The following SACS variants were observed in gnomAD, a reference collection of about 807,000 sequenced individuals.
The protein encoded by SACS is sacsin molecular chaperone, also known as sacsin.
SACS carries 197 observed loss-of-function variants against 348.0 expected under a neutral mutation model. The observed-to-expected ratio is 0.57, with a 90% CI of 0.50 to 0.64. The LOEUF is 0.64. Among genes scored for constraint, SACS ranks in the 30% least tolerant of loss-of-function variants. The probability of loss-of-function intolerance (pLI) is 0.00; values close to 1 mark genes in which losing one functional copy is unlikely to be tolerated. For missense variants in SACS, 4,999 were observed against 5,360.8 expected (o/e 0.93, Z 2.11); for synonymous variants, 1,985 against 1,910.6 (o/e 1.04, Z -1.02).
In SACS at chr13:23,339,778, C is replaced by A. The variant is rs200381539; in HGVS notation, c.4098G>T (p.Leu1366=). The change falls in exon 10 of 10, where the codon CTG becomes CTT. Residue 1366 remains leucine, a synonymous_variant. Transcript: ENST00000382292. ...GGCTTGCTGGAATCTGATTGCTATA[C>A]AGCCATCTGATAATATTCAACATAA... ...LHLMLNIIRW[L]YSNQIPASPN... 8 of 1,613,780 alleles carry A rather than the reference C, an allele frequency of 5.0e-6. No individual in the cohort carries two copies. Among genetic ancestry groups the A allele is most frequent in the African/African-American group, 1.3e-5 (1 of 74,916 alleles).
chr13:23,415,204 G>C (rs1873650533), intron 1 of SACS, among the ~76,000 whole-genome samples: 1 of 151,888 alleles, frequency 6.6e-6, no homozygotes, highest in Non-Finnish European at 1.5e-5. Flanking sequence ...GCTAATTTTT[G>C]TATTTTTAGT....
intron 2 of SACS, among the ~76,000 whole-genome samples, chr13:23,390,332 G>A (rs937463116): frequency 6.6e-6 from 1 of 151,956 alleles, no homozygotes; most frequent in Non-Finnish European, 1.5e-5. Flanking sequence ...TTCTACATGG[G>A]ATTCCACCCC....
rs552212429 is a variant in SACS at position 23,383,177 on chromosome 13, G to A, written c.21-7908C>T. The stretch of plus-strand genomic sequence containing the variant: ...AAAATTAATATTGCAAGTAATAAAC[G>A]GTGGTCATTCTCAGAAAACCCTCCA... On this transcript the variant is annotated intron_variant, in intron 2 of 9. Coordinates refer to ENST00000382292, the MANE Select transcript of SACS (RefSeq NM_014363.6). Among the ~76,000 whole-genome samples the A allele has an allele frequency of 6.6e-4, 100 of 151,890 alleles. 1 individual carries two copies. In the South Asian group the frequency reaches 0.013, roughly 19 times the overall value.
rs746064318 is a variant in SACS, at chr13:23,335,903, G to GC, written c.7972dup (p.Ala2658GlyfsTer5). 6.2e-7 allele frequency: 1 copy of GC among 1,613,056 alleles called. No individual in the cohort carries two copies. The highest frequency in any genetic ancestry group is 8.5e-7 in the Non-Finnish European group (1 of 1,179,184). On this transcript the variant is annotated frameshift_variant, in exon 10 of 10. Transcript: ENST00000382292. LOFTEE classifies it high-confidence loss of function. The surrounding 1 kb of genome is among the most constrained non-coding windows in gnomAD (Gnocchi z 4.7). ...CATGCGTCCGGGACTAATGGATGTGGCCCCTGGTGCATATCTGGCATGAGG... is the reference window on the plus strand; with the variant it reads ...CATGCGTCCGGGACTAATGGATGTGGCCCCCTGGTGCATATCTGGCATGAGG...
intron 2 of SACS, among the ~76,000 whole-genome samples, chr13:23,377,700 C>T (rs1203268862): frequency 6.6e-6 from 1 of 152,148 alleles, no homozygotes; most frequent in African/African-American, 2.4e-5. Context: ...GATTCAACCT[C>T]AGCCCCAGCA....
chr13:23,429,345 ATTTTTTTTTTTTTTTTTT>A (rs536939164), intron 1 of SACS, among the ~76,000 whole-genome samples: 54 of 51,474 alleles, frequency 1.0e-3, no homozygotes, highest in South Asian at 2.2e-3. Context: ...TGAGGTAGGG[ATTTTTTTTTTTTTTTTTT>A]TTTTTTTTTT....
At chr13:23,390,235 A>ATAAC (rs1320808531) in intron 2 of SACS, among the ~76,000 whole-genome samples, 1 of 152,222 alleles carries the variant, frequency 6.6e-6, no homozygotes, top group Non-Finnish European at 1.5e-5. Context: ...AGAAGTAAGA[A>ATAAC]TAACTTATAG....
intron 1 of SACS, among the ~76,000 whole-genome samples, chr13:23,426,347 G>T (rs1456870072): frequency 6.6e-6 from 1 of 152,156 alleles, no homozygotes; most frequent in Non-Finnish European, 1.5e-5. Flanking sequence ...GTTAGTATAT[G>T]TAAGAAGTAC....
At chr13:23,380,490 C>T (rs112982075) in intron 2 of SACS, among the ~76,000 whole-genome samples, 51 of 152,078 alleles carry the variant, frequency 3.4e-4, no homozygotes, top group African/African-American at 1.2e-3. Flanking sequence ...TTTTAAGCTC[C>T]AATTGGGAGG....
At chr13:23,409,039 A>ATTTTTTTT (rs1474798713) in intron 2 of SACS, among the ~76,000 whole-genome samples, 1 of 66,814 alleles carries the variant, frequency 1.5e-5, no homozygotes, top group Non-Finnish European at 2.9e-5. Flanking sequence ...AACAAGTTTT[A>ATTTTTTTT]CTTTTTTTTT....
chr13:23,381,364 C>T (rs953966588), intron 2 of SACS, among the ~76,000 whole-genome samples: 4 of 150,274 alleles, frequency 2.7e-5, no homozygotes, highest in Non-Finnish European at 5.9e-5. Flanking sequence ...AGCACACACA[C>T]ACACACACAC....
At position 23,379,578 on chromosome 13, in the gene SACS, A is replaced by G. The variant is rs144090454; in HGVS notation, c.21-4309T>C. On this transcript the variant is annotated intron_variant, in intron 2 of 9. Transcript: ENST00000382292. Reference sequence around the variant, plus strand: ...CACCTCAACCTCACCTCCCTCTCCTATGTGCCCTACTCTTTTCTCCACCCT... The same window carrying G: ...CACCTCAACCTCACCTCCCTCTCCTGTGTGCCCTACTCTTTTCTCCACCCT... Among the ~76,000 whole-genome samples, 405 of 152,112 alleles carry G rather than the reference A, an allele frequency of 2.7e-3. 1 individual carries two copies. Among genetic ancestry groups the G allele is most frequent in the Non-Finnish European group, 4.4e-3 (302 of 67,998 alleles).
chr13:23,404,833 C>T (rs2137940084), intron 2 of SACS, among the ~76,000 whole-genome samples: 1 of 152,210 alleles, frequency 6.6e-6, no homozygotes, highest in African/African-American at 2.4e-5. Context: ...AATAAAATAC[C>T]TAAGAATACA....
At position 23,334,583 on chromosome 13, in the gene SACS, A is replaced by G. The variant is rs1310336194; in HGVS notation, c.9293T>C (p.Ile3098Thr). 3.7e-6 allele frequency: 6 copies of G among 1,613,558 alleles called. No individual in the cohort carries two copies. Among genetic ancestry groups the G allele is most frequent in the South Asian group, 3.3e-5 (3 of 91,070 alleles). ...GGAAAATGTCATTAAAAAAGATCTG[A>G]TATCAGCAGGGGTCACATAACTAAC... ...IPVSYVTPAD[I>T]RSFLMTFSSP... is the part of the protein sequence containing the mutation. Residue 3098 changes from isoleucine to threonine, a missense_variant, in exon 10 of 10, where the codon ATC becomes ACC. Physicochemically the swap from Ile to Thr is moderately conservative, Grantham distance 89. Around this residue, in one of 6 missense-constraint regions of SACS, gnomAD observed 734 missense variants for 694.0 expected, o/e 1.06. Transcript: ENST00000382292.
At chr13:23,353,067 G>C (rs1870073314) in intron 9 of SACS, among the ~76,000 whole-genome samples, 1 of 148,468 alleles carries the variant, frequency 6.7e-6, no homozygotes, top group South Asian at 2.1e-4. Context: ...CTTAGAAAAA[G>C]CTCAGGTAAC....
chr13:23,429,394 G>A (rs142203289), intron 1 of SACS, among the ~76,000 whole-genome samples: 1,448 of 109,588 alleles, frequency 0.013, 28 homozygotes, highest in African/African-American at 0.048. Context: ...ACGGAGTCTC[G>A]CTCTGTCACC....
chr13:23,370,532 TG>T (rs1169954259), intron 4 of SACS, among the ~76,000 whole-genome samples: 2 of 152,236 alleles, frequency 1.3e-5, no homozygotes, highest in Non-Finnish European at 2.9e-5. Context: ...TTGTTATTCA[TG>T]GGCCCTGTAC....
rs1868438243 is a variant in SACS at position 23,334,978 on chromosome 13, G to T, written c.8898C>A (p.Asn2966Lys). The T allele has an allele frequency of 1.2e-6, 2 of 1,613,758 alleles. No individual in the cohort carries two copies. Among genetic ancestry groups the T allele is most frequent in the East Asian group, 2.2e-5 (1 of 44,888 alleles). Residue 2966 changes from asparagine (N) to lysine (K), a missense_variant, in exon 10 of 10, where the codon AAC (asparagine) becomes AAA (lysine). This residue lies in a region of SACS where 734 missense variants were observed against 694.0 expected (regional missense o/e 1.06). Coordinates refer to ENST00000382292, the MANE Select transcript of SACS (RefSeq NM_014363.6). ...ATAAATCTGGCTGTAGATCAAGACG[G>T]TTAACTGGGAAAAACGATAAAAACT... is the stretch of plus-strand genomic sequence containing the variant. ...LKKFLSFFPV[N>K]RLDLQPDLYC... is the part of the protein sequence containing the mutation.
In SACS at chr13:23,339,651, T is replaced by C; in HGVS notation, c.4225A>G (p.Asn1409Asp). Residue 1409 changes from asparagine (N) to aspartate (D), a missense_variant, in exon 10 of 10, where the codon AAT (asparagine) becomes GAT (aspartate). Coordinates refer to ENST00000382292, the MANE Select transcript of SACS (RefSeq NM_014363.6). ...TCCACAGAATCTTCAAGTAAGTCAT[T>C]AAGGTCATCAACTTTAATGTCACAA... ...CYCDIKVDDL[N>D]DLLEDSVEPI... The C allele has an allele frequency of 6.2e-7, 1 of 1,613,582 alleles. No individual in the cohort carries two copies. The highest frequency in any genetic ancestry group is 8.5e-7 in the Non-Finnish European group (1 of 1,179,670).
Sources: allele counts gnomAD v4.1 joint callset (sites outside exome capture counted in the v4.1 genomes callset), GRCh38; gene constraint gnomAD v4.1.1; regional missense constraint gnomAD v4.1.1; non-coding constraint Gnocchi (gnomAD v3.1); transcripts MANE v1.5; gene names NCBI Gene and HGNC (gene_info 2026-07-23, HGNC 2026-07-21).